Variants in RABGEF1 observed in about 807,000 individuals in gnomAD.
RABGEF1 encodes rab5 GDP/GTP exchange factor.
RABGEF1 carries 26 observed loss-of-function variants against 57.3 expected under a neutral mutation model. The ratio of observed to expected loss-of-function variants is 0.45; its 90% confidence interval spans 0.33 to 0.63. The LOEUF (loss-of-function observed/expected upper bound fraction) is 0.63. RABGEF1 is among the 20% of genes least tolerant of loss of function. The pLI is 0.02. For synonymous variants in RABGEF1, 185 were observed against 210.7 expected (o/e 0.88, Z 1.06); for missense variants, 464 against 607.6 (o/e 0.76, Z 2.48).
chr7:66,664,417 A>G, the RABGEF1 span, among the ~76,000 whole-genome samples: 1 of 150,820 alleles, frequency 6.6e-6, no homozygotes, highest in Admixed American at 6.6e-5. Context: ...TCATCTCTAC[A>G]GAAGTTTTTT....
At chr7:66,703,140 A>G (rs1313000448) in intron 1 of RABGEF1, among the ~76,000 whole-genome samples, 1 of 151,654 alleles carries the variant, frequency 6.6e-6, no homozygotes, top group Non-Finnish European at 1.5e-5. Context: ...TGCCTGGCTA[A>G]TTTTTTTTGT....
intron 2 of RABGEF1, among the ~76,000 whole-genome samples, chr7:66,712,824 T>C (rs1794924318): frequency 7.7e-6 from 1 of 129,428 alleles, no homozygotes; most frequent in Non-Finnish European, 1.7e-5. Context: ...TTTCCTTTCC[T>C]TTTTTTTTTT....
chr7:66,786,644 T>A (rs1314168499), intron 4 of RABGEF1, among the ~76,000 whole-genome samples: 1 of 152,228 alleles, frequency 6.6e-6, no homozygotes, highest in African/African-American at 2.4e-5. Context: ...CCTCAGGTGA[T>A]CTTCCCAACT....
intron 6 of RABGEF1, among the ~76,000 whole-genome samples, chr7:66,798,479 A>G (rs942927227): frequency 6.6e-6 from 1 of 152,230 alleles, no homozygotes; most frequent in Non-Finnish European, 1.5e-5. Flanking sequence ...TGTGGAGCCC[A>G]AGGTCAGGAG....
rs1402438890 is a variant in RABGEF1 at position 66,775,409 on chromosome 7, T to C, written c.346+16T>C. The C allele has an allele frequency of 1.9e-6, 3 of 1,610,576 alleles. No individual in the cohort carries two copies. The highest frequency in any genetic ancestry group is 3.4e-5 in the Admixed American group (2 of 59,696). On this transcript the variant is annotated intron_variant, in intron 3 of 8. Coordinates refer to ENST00000284957, the MANE Select transcript of RABGEF1 (RefSeq NM_014504.3). ...TCAAAGAAGGGTAATGTTCTGATAC[T>C]CTTTTTTTTCTTCTCTGCCTGAGTG...
intron 6 of RABGEF1, among the ~76,000 whole-genome samples, chr7:66,798,713 C>G (rs1390655706): frequency 6.6e-6 from 1 of 152,132 alleles, no homozygotes; most frequent in Admixed American, 6.5e-5. Context: ...CCTGTAATCC[C>G]AGCACTTTGG....
At chr7:66,794,252 A>T (rs192829277) in intron 4 of RABGEF1, among the ~76,000 whole-genome samples, 1,867 of 116,768 alleles carry the variant, frequency 0.016, 32 homozygotes, top group African/African-American at 0.048. Flanking sequence ...TGTTAAAAAA[A>T]TTTTTTAATT....
intron 7 of RABGEF1, among the ~76,000 whole-genome samples, chr7:66,802,021 C>T (rs1319227091): frequency 4.6e-5 from 7 of 152,130 alleles, no homozygotes; most frequent in African/African-American, 1.7e-4. Context: ...GCGATCCGTC[C>T]GCCTCAGCCT....
At chr7:66,657,353 C>T in the RABGEF1 span, among the ~76,000 whole-genome samples, 2 of 152,160 alleles carry the variant, frequency 1.3e-5, no homozygotes, top group African/African-American at 4.8e-5. Context: ...AACTTGAAAA[C>T]TCACAAATAT....
At chr7:66,728,468 C>T (rs996066535) in intron 2 of RABGEF1, among the ~76,000 whole-genome samples, 2 of 151,792 alleles carry the variant, frequency 1.3e-5, no homozygotes, top group African/African-American at 4.8e-5. Flanking sequence ...TGTTCCTGTT[C>T]CCACCATAAC....
chr7:66,750,524 C>A (rs1801172110), intron 1 of RABGEF1, among the ~76,000 whole-genome samples: 1 of 152,176 alleles, frequency 6.6e-6, no homozygotes, highest in Non-Finnish European at 1.5e-5. Context: ...AGGATGTAAG[C>A]TATTTCCTTA....
At chr7:66,774,031 TTTA>T (rs1807907350) in intron 2 of RABGEF1, 1 of 304,200 alleles carries the variant, frequency 3.3e-6, no homozygotes, top group Non-Finnish European at 6.5e-6. Context: ...ATTGCTTTTA[TTTA>T]TTATTCTCCG....
chr7:66,686,728 T>C (rs1275259007), intron 1 of RABGEF1, among the ~76,000 whole-genome samples: 1 of 152,222 alleles, frequency 6.6e-6, no homozygotes, highest in Non-Finnish European at 1.5e-5. Context: ...TTTTTGGTGC[T>C]GTTTTCAAGT....
rs1198207380 is a variant in RABGEF1, at chr7:66,699,699, A to AC, written c.-872-12468_-872-12467insC. On this transcript the variant is annotated intron_variant and NMD_transcript_variant, in intron 1 of 9. Transcript: ENST00000607882. ...AGAGCAAAATTCCATCTCAAAAAAA[A>AC]AAAACAAAACTGGTGTGGTAGTGTG... Among the ~76,000 whole-genome samples the AC allele has an allele frequency of 3.3e-5, 5 of 151,880 alleles. No individual in the cohort carries two copies. In the South Asian group the frequency reaches 6.3e-4, roughly 19 times the overall value.
rs142669768 is a variant in RABGEF1, at chr7:66,693,980, T to C, written c.-873+11722T>C. ...GTTCCACTACGTTTGGTTAATTTTT[T>C]GTATTTTTAGTAGAGACGGGGTTTC... On this transcript the variant is annotated intron_variant and NMD_transcript_variant, in intron 1 of 9. Transcript: ENST00000607882. Among the ~76,000 whole-genome samples, 977 of 152,262 alleles carry C rather than the reference T, an allele frequency of 6.4e-3. 3 individuals are homozygous for C. Among genetic ancestry groups the C allele is most frequent in the Non-Finnish European group, 9.9e-3 (675 of 68,016 alleles).
intron 1 of RABGEF1, among the ~76,000 whole-genome samples, chr7:66,687,107 G>A (rs1052361485): frequency 3.6e-5 from 5 of 137,878 alleles, no homozygotes; most frequent in Non-Finnish European, 7.7e-5. Flanking sequence ...GAGCCACCAC[G>A]CCCGGCTTTT....
chr7:66,659,521 G>T, the RABGEF1 span, among the ~76,000 whole-genome samples: 95 of 148,440 alleles, frequency 6.4e-4, no homozygotes, highest in African/African-American at 1.9e-3. Context: ...GGCTCAGGCG[G>T]GTAATCCCAG....
the RABGEF1 span, among the ~76,000 whole-genome samples, chr7:66,660,745 C>G: frequency 6.6e-6 from 1 of 152,342 alleles, no homozygotes; most frequent in East Asian, 1.9e-4. Flanking sequence ...TCAGTTCTAC[C>G]AGACATTTAA....
chr7:66,738,198 T>G (rs1490757585), upstream of RABGEF1, among the ~76,000 whole-genome samples: 2 of 152,016 alleles, frequency 1.3e-5, no homozygotes, highest in African/African-American at 4.8e-5. Context: ...TTTGTATTTT[T>G]AGTAGAGGTG....
Sources: gnomAD v4.1 joint callset for allele counts (sites outside exome capture counted in the v4.1 genomes callset) on GRCh38, gnomAD v4.1.1 for gene constraint, MANE v1.5 for transcripts, NCBI Gene and HGNC (gene_info 2026-07-23, HGNC 2026-07-21) for gene names.